ATP8B4: variants seen among roughly 807,000 people sequenced by gnomAD.
The protein encoded by ATP8B4 is probable phospholipid-transporting ATPase IM.
A neutral mutation model predicts 145.6 loss-of-function variants in ATP8B4; 133 were observed. That is an observed-to-expected ratio of 0.91 (90% CI 0.79 to 1.05). ATP8B4 has a LOEUF of 1.05. ATP8B4 is among the 50% of genes least tolerant of loss of function. The probability of loss-of-function intolerance (pLI) is 0.00; values close to 1 mark genes in which losing one functional copy is unlikely to be tolerated. For synonymous variants in ATP8B4, 507 were observed against 492.9 expected (o/e 1.03, Z -0.38); for missense variants, 1,458 against 1,425.2 (o/e 1.02, Z -0.37).
intron 1 of ATP8B4, among the ~76,000 whole-genome samples, chr15:50,145,965 CTGATTA>C (rs1159585226): frequency 3.3e-5 from 5 of 150,802 alleles, no homozygotes; most frequent in Non-Finnish European, 7.4e-5. Context: ...TAGAACTCTT[CTGATTA>C]TATTTTTATA....
chr15:50,041,117 A>G (rs2051247878), intron 5 of ATP8B4, among the ~76,000 whole-genome samples: 1 of 152,198 alleles, frequency 6.6e-6, no homozygotes, highest in South Asian at 2.1e-4. Flanking sequence ...TTATTCCTCT[A>G]TGAAGTGTGA....
intron 15 of ATP8B4, among the ~76,000 whole-genome samples, chr15:49,933,175 A>G (rs981673442): frequency 1.8e-4 from 27 of 152,034 alleles, no homozygotes; most frequent in Non-Finnish European, 3.5e-4. Flanking sequence ...AAACCTAAGA[A>G]CCAACAGAAA....
At chr15:50,018,324 G>T (rs184816802) in intron 6 of ATP8B4, among the ~76,000 whole-genome samples, 3 of 152,202 alleles carry the variant, frequency 2.0e-5, no homozygotes, top group Non-Finnish European at 4.4e-5. Context: ...GGCATATGCG[G>T]TATCATCACC....
rs1407203408 is a variant in ATP8B4, at chr15:50,003,930, T to A, written c.436-1707A>T. Among the ~76,000 whole-genome samples, 9 of 152,180 alleles carry A rather than the reference T, an allele frequency of 5.9e-5. No individual in the cohort carries two copies. The East Asian group carries it at 1.7e-3, about 29-fold the overall frequency. On this transcript the variant is annotated intron_variant, in intron 7 of 27. Coordinates refer to ENST00000284509, the MANE Select transcript of ATP8B4 (RefSeq NM_024837.4). ...CCACTGCCATCTGGCGGTCAGATTCTCTCCTGAGCAGTGACCCAGCTTCCC... is the reference window on the plus strand; with the variant it reads ...CCACTGCCATCTGGCGGTCAGATTCACTCCTGAGCAGTGACCCAGCTTCCC...
At chr15:50,050,946 A>G (rs1382839083) in intron 3 of ATP8B4, among the ~76,000 whole-genome samples, 2 of 152,146 alleles carry the variant, frequency 1.3e-5, no homozygotes, top group East Asian at 1.9e-4. Context: ...GTGAACCTAC[A>G]CTGGCTCCTA....
intron 20 of ATP8B4, among the ~76,000 whole-genome samples, chr15:49,916,582 T>A (rs1221872896): frequency 6.6e-6 from 1 of 152,214 alleles, no homozygotes; most frequent in African/African-American, 2.4e-5. Flanking sequence ...AGGGCATTGG[T>A]ATTTTTAAGA....
intron 7 of ATP8B4, among the ~76,000 whole-genome samples, chr15:50,007,625 G>A (rs920901439): frequency 3.3e-5 from 5 of 152,130 alleles, no homozygotes; most frequent in African/African-American, 9.7e-5. Context: ...GCTAGCAATT[G>A]TTTTCATGAC....
intron 16 of ATP8B4, among the ~76,000 whole-genome samples, chr15:49,925,714 C>T (rs2040652980): frequency 6.6e-6 from 1 of 152,140 alleles, no homozygotes; most frequent in Non-Finnish European, 1.5e-5. Context: ...TTTCCCTTAA[C>T]CTAGTATTTG....
chr15:50,156,817 T>C (rs59983467), intron 1 of ATP8B4, among the ~76,000 whole-genome samples: 85,768 of 152,004 alleles, frequency 0.56, 24,884 homozygotes, highest in East Asian at 0.93. Flanking sequence ...AGTAATCTCT[T>C]AAGAGCAAAG....
rs58363112 is a variant in ATP8B4, at chr15:50,029,238, TAAAAAAAA to T, written c.362+9522_362+9529del. 8.6e-3 allele frequency among the ~76,000 whole-genome samples: 658 copies of T among 76,642 alleles called. 8 individuals carry two copies. The highest frequency in any genetic ancestry group is 0.038 in the African/African-American group (632 of 16,506). The allele number at this position is 76,642 out of a possible 152,430, so 50.3% of individuals were successfully genotyped here. A position where few individuals can be genotyped will look rare whatever the true frequency, so the allele number is the denominator to read the frequency against. ...CTGGCAACAGAGCAAGACTCCATCT[TAAAAAAAA>T]AAAAAAAAAAACAGAAAAATACAGC... On this transcript the variant is annotated intron_variant, in intron 6 of 27. Transcript: ENST00000284509.
In ATP8B4 at chr15:50,038,783, A is replaced by T. The variant is rs766051030; in HGVS notation, c.347T>A (p.Val116Glu). The change falls in exon 6 of 28, where the codon GTG becomes GAG. Residue 116 changes from valine to glutamate, a missense_variant. Coordinates refer to ENST00000284509, the MANE Select transcript of ATP8B4 (RefSeq NM_024837.4). Reference sequence around the variant, plus strand: ...TATTTCTTACTTGCTGTTGATGAGCACTTCAGACTGCCGATTATTCACTTG... The same window carrying T: ...TATTTCTTACTTGCTGTTGATGAGCTCTTCAGACTGCCGATTATTCACTTG... ...DNQVNNRQSEVLINSKLQNEK... is the reference protein window; with the variant it reads ...DNQVNNRQSEELINSKLQNEK... 15 of 1,613,294 alleles carry T rather than the reference A, an allele frequency of 9.3e-6. No homozygotes were observed. Among genetic ancestry groups the T allele is most frequent in the Non-Finnish European group, 1.2e-5 (14 of 1,179,438 alleles).
At position 50,000,911 on chromosome 15, in the gene ATP8B4, T is replaced by G. The variant is rs138231126; in HGVS notation, c.506+1242A>C. Reference sequence around the variant, plus strand: ...TTTCATATTAAGTGTATAGTCTTTTTTTTGAGAAAGTGGTCCATTTCTTCT... The same window carrying G: ...TTTCATATTAAGTGTATAGTCTTTTGTTTGAGAAAGTGGTCCATTTCTTCT... On this transcript the variant is annotated intron_variant, in intron 8 of 27. Transcript: ENST00000284509. Among the ~76,000 whole-genome samples the G allele has an allele frequency of 4.3e-3, 660 of 152,278 alleles. 9 individuals are homozygous for G. Among genetic ancestry groups the G allele is most frequent in the African/African-American group, 0.015 (623 of 41,588 alleles).
intron 23 of ATP8B4, among the ~76,000 whole-genome samples, chr15:49,892,349 A>T (rs2036922099): frequency 6.6e-6 from 1 of 152,226 alleles, no homozygotes. Flanking sequence ...GATGAAAAAA[A>T]CTTTGAGAAT....
chr15:49,871,860 C>T (rs75333471), intron 25 of ATP8B4, among the ~76,000 whole-genome samples: 3 of 152,236 alleles, frequency 2.0e-5, no homozygotes, highest in African/African-American at 4.8e-5. Flanking sequence ...CTGTTTTAGG[C>T]CCTCAAGCAC....
intron 3 of ATP8B4, among the ~76,000 whole-genome samples, chr15:50,062,324 C>G (rs1400303467): frequency 1.3e-5 from 2 of 152,140 alleles, no homozygotes; most frequent in Non-Finnish European, 2.9e-5. Flanking sequence ...CCCACTCACT[C>G]TCTTGCTCCT....
At chr15:50,120,838 G>T (rs2057262237), upstream of ATP8B4, among the ~76,000 whole-genome samples, 1 of 152,196 alleles carries the variant, frequency 6.6e-6, no homozygotes, top group South Asian at 2.1e-4. Context: ...GGTCATCTGA[G>T]TTTAGTTCTG....
chr15:49,967,734 G>C (rs2044686657), intron 13 of ATP8B4, among the ~76,000 whole-genome samples: 1 of 152,190 alleles, frequency 6.6e-6, no homozygotes, highest in Non-Finnish European at 1.5e-5. Flanking sequence ...CCCCAACCTA[G>C]TGAGGCAGGC....
At chr15:49,877,208 A>C (rs12594650) in intron 24 of ATP8B4, among the ~76,000 whole-genome samples, 71,924 of 152,056 alleles carry the variant, frequency 0.47, 17,150 homozygotes, top group East Asian at 0.54. Context: ...CTAAATGCTT[A>C]TCAAACCTAA....
intron 1 of ATP8B4, among the ~76,000 whole-genome samples, chr15:50,172,995 C>A (rs1447529057): frequency 6.7e-6 from 1 of 150,130 alleles, no homozygotes; most frequent in Non-Finnish European, 1.5e-5. Context: ...CGGCCAGCCG[C>A]CCCGTCCGGG....
Sources: gnomAD v4.1 joint callset for allele counts (sites outside exome capture counted in the v4.1 genomes callset) on GRCh38, gnomAD v4.1.1 for gene constraint, MANE v1.5 for transcripts, NCBI Gene and HGNC (gene_info 2026-07-23, HGNC 2026-07-21) for gene names.